SZT2: variants seen among roughly 807,000 people sequenced by gnomAD.
SZT2 encodes the protein SZT2 subunit of KICSTOR complex, also known as KICSTOR complex protein SZT2.
A neutral mutation model predicts 404.2 loss-of-function variants in SZT2; 216 were observed. The ratio of observed to expected loss-of-function variants is 0.53; its 90% CI spans 0.48 to 0.60. The LOEUF (loss-of-function observed/expected upper bound fraction) is 0.60, where lower values mean the gene tolerates loss of function less well. Among genes scored for constraint, SZT2 ranks in the 20% least tolerant of loss-of-function variants. SZT2 has a pLI of 0.00. For synonymous variants in SZT2, 1,693 were observed against 1,749.9 expected, an observed-to-expected ratio of 0.97 and a Z score of 0.81; for missense variants, 3,857 against 4,459.2, an observed-to-expected ratio of 0.86 and a Z score of 3.85.
Position 43,440,582 on chromosome 1 carries a change from T to C in SZT2, c.7340T>C (p.Met2447Thr). 6.3e-7 allele frequency: 1 copy of C among 1,589,770 alleles called. No homozygotes were observed. The highest frequency in any genetic ancestry group is 1.1e-5 in the South Asian group (1 of 87,730). ...GCGGGCCGGCGTAGCTTCTGGGATA[T>C]GCTGGTAATGGAAGAAGTGGTGAAG... ...SKAGRRSFWD[M>T]LSKTECGDLG... The change falls in exon 52 of 72, where the codon ATG becomes ACG. Residue 2447 changes from methionine (M) to threonine (T), a missense_variant. By Grantham distance (81) the Met-to-Thr change is moderately conservative. This residue lies in a region of SZT2 where 573 missense variants were observed against 592.4 expected (regional missense o/e 0.97). Coordinates refer to ENST00000634258, the MANE Select transcript of SZT2 (RefSeq NM_001365999.1).
Position 43,442,767 on chromosome 1 carries a change from A to T in SZT2, c.8152-52A>T. 4 of 1,544,764 alleles carry T rather than the reference A, an allele frequency of 2.6e-6. No homozygotes were observed. The South Asian group carries it at 5.0e-5, about 19-fold the overall frequency. On this transcript the variant is annotated intron_variant, in intron 58 of 71. Coordinates refer to ENST00000634258, the MANE Select transcript of SZT2 (RefSeq NM_001365999.1). This position sits in a 1 kb window ranked among gnomAD's most constrained non-coding sequence, Gnocchi z 4.5. ...GAGAGAGGAAGCCCTGGGATGAGAG[A>T]GAGGGTCCGAGGGCAAAGGCTATGA...
chr1:43,437,947 A>G lies in SZT2; in HGVS notation c.6508+45A>G. 6.3e-7 allele frequency: 1 copy of G among 1,588,402 alleles called. No homozygotes were observed. The highest frequency in any genetic ancestry group is 8.6e-7 in the Non-Finnish European group (1 of 1,157,212). On this transcript the variant is annotated intron_variant, in intron 46 of 71. Coordinates refer to ENST00000634258, the MANE Select transcript of SZT2 (RefSeq NM_001365999.1). The surrounding 1 kb of genome is among the most constrained non-coding windows in gnomAD (Gnocchi z 5.3). ...TAGGGGAGTCGCCACATGAGGTTCC[A>G]GAATCCTCTGGGACTTCTCTTAGAA...
rs371697766 is a variant in SZT2 at position 43,424,606 on chromosome 1, CCT to C, written c.2472-172_2472-171del. On this transcript the variant is annotated intron_variant, in intron 16 of 71. Coordinates refer to ENST00000634258, the MANE Select transcript of SZT2 (RefSeq NM_001365999.1). This position sits in a 1 kb window ranked among gnomAD's most constrained non-coding sequence, Gnocchi z 4.1. ...CCTCCCATCACCCGATTTGTTTTGT[CCT>C]CTCTCATCCTCACTGGATTTGTTAT... 2.1e-3 allele frequency among the ~76,000 whole-genome samples: 314 copies of C among 152,294 alleles called. 1 individual carries two copies. The highest frequency in any genetic ancestry group is 7.0e-3 in the African/African-American group (289 of 41,564).
At position 43,442,054 on chromosome 1, in the gene SZT2, T is replaced by C. The variant is rs1295428744; in HGVS notation, c.7797T>C (p.Ser2599=). 6.2e-7 allele frequency: 1 copy of C among 1,611,630 alleles called. No individual in the cohort carries two copies. The highest frequency in any genetic ancestry group is 2.2e-5 in the East Asian group (1 of 44,648). Residue 2599 remains serine, a synonymous_variant, in exon 56 of 72, where the codon TCT becomes TCC. Coordinates refer to ENST00000634258, the MANE Select transcript of SZT2 (RefSeq NM_001365999.1). The surrounding 1 kb of genome is among the most constrained non-coding windows in gnomAD (Gnocchi z 4.5). ...GPCSPGQLGP[S]PRPAAERHLL... is the part of the protein sequence containing the mutation. ...GTTCCCCTGGGCAACTGGGCCCCTC[T>C]CCCCGCCCTGCAGCTGAGCGGCATC...
chr1:43,430,502 C>G lies in SZT2; in HGVS notation c.4487C>G (p.Thr1496Arg). The G allele has an allele frequency of 1.2e-6, 2 of 1,613,984 alleles. No individual in the cohort carries two copies. Among genetic ancestry groups the G allele is most frequent in the Non-Finnish European group, 8.5e-7 (1 of 1,179,874 alleles). ...ATGTGACATGCACTACTAGGAGACA[C>G]ATCTGCCTGCTGTGTGGTCACTGAG... is the stretch of plus-strand genomic sequence containing the variant. ...EAELMGEEGD[T>R]SACCVVTESD... The change falls in exon 32 of 72, where the codon ACA becomes AGA. Residue 1496 changes from threonine (T) to arginine (R), a missense_variant. Around this residue, in one of 7 missense-constraint regions of SZT2, gnomAD observed 1,725 missense variants for 1,881.0 expected, o/e 0.92. Coordinates refer to ENST00000634258, the MANE Select transcript of SZT2 (RefSeq NM_001365999.1).
At chr1:43,427,841 C>A in intron 26 of SZT2, 107 bp downstream of exon 26, 1 of 1,408,872 alleles carries the variant, frequency 7.1e-7, no homozygotes, top group Non-Finnish European at 9.7e-7. Context: ...CCATATCCTG[C>A]TGGCTCCTTG....
intron 32 of SZT2, 67 bp from the exon 33 acceptor site, chr1:43,430,882 A>C (rs535776759): frequency 3.8e-5 from 60 of 1,585,602 alleles, no homozygotes; most frequent in Non-Finnish European, 4.7e-5. Context: ...GTCTTTTAAC[A>C]CATAGATCTT....
At position 43,439,988 on chromosome 1, in the gene SZT2, G is replaced by A. The variant is rs201622088; in HGVS notation, c.7150G>A (p.Asp2384Asn). ...AGGAGCAGCTCGCCAGGCCCTGGCCGATGCCATCATCGAGCTTCAGCTGCT... is the reference window on the plus strand; with the variant it reads ...AGGAGCAGCTCGCCAGGCCCTGGCCAATGCCATCATCGAGCTTCAGCTGCT... ...LRGAARQALA[D>N]AIIELQLLPA... Residue 2384 changes from aspartate to asparagine, a missense_variant, in exon 51 of 72, where the codon GAT becomes AAT. Coordinates refer to ENST00000634258, the MANE Select transcript of SZT2 (RefSeq NM_001365999.1). This position sits in a 1 kb window ranked among gnomAD's most constrained non-coding sequence, Gnocchi z 4.2. 2.9e-5 allele frequency: 47 copies of A among 1,614,058 alleles called. No individual in the cohort carries two copies. Among genetic ancestry groups the A allele is most frequent in the Admixed American group, 3.3e-5 (2 of 59,994 alleles).
intron 1 of SZT2, among the ~76,000 whole-genome samples, chr1:43,400,397 C>T (rs964715266): frequency 2.0e-5 from 3 of 152,224 alleles, no homozygotes; most frequent in Non-Finnish European, 2.9e-5. Flanking sequence ...CTCTTCTGCT[C>T]ATAAGCCCTC....
chr1:43,441,495 T>C lies in SZT2; in HGVS notation c.7512-9T>C, dbSNP rs1163120470. Reference sequence around the variant, plus strand: ...ATGGACATGAGGCTCTTACTCCCACTGTCTTCAGGCGCCGGACAACACAGC... The same window carrying C: ...ATGGACATGAGGCTCTTACTCCCACCGTCTTCAGGCGCCGGACAACACAGC... On this transcript the variant is annotated splice_polypyrimidine_tract_variant and intron_variant, in intron 53 of 71. Coordinates refer to ENST00000634258, the MANE Select transcript of SZT2 (RefSeq NM_001365999.1). This position sits in a 1 kb window ranked among gnomAD's most constrained non-coding sequence, Gnocchi z 4.8. The C allele has an allele frequency of 1.9e-6, 3 of 1,612,758 alleles. No homozygotes were observed. The highest frequency in any genetic ancestry group is 1.3e-5 in the African/African-American group (1 of 75,030).
chr1:43,453,300 AG>A lies in SZT2; in HGVS notation c.*2821del, dbSNP rs1224225282. On this transcript the variant is annotated 3_prime_UTR_variant, in exon 72 of 72. Coordinates refer to ENST00000634258, the MANE Select transcript of SZT2 (RefSeq NM_001365999.1). ...ATAAACCAGTGGGCTCAGACTTCTG[AG>A]CGTCTCAGATCTGGCGTCCTCGACT... is the stretch of plus-strand genomic sequence containing the variant. 5 of 849,482 alleles carry A rather than the reference AG, an allele frequency of 5.9e-6. No individual in the cohort carries two copies. The African/African-American group carries it at 9.1e-5, about 16-fold the overall frequency. 52.6% of individuals were successfully genotyped at this position (849,482 alleles called of 1,614,324 possible). A position where few individuals can be genotyped will look rare whatever the true frequency, so the allele number is the denominator to read the frequency against.
chr1:43,408,277 T>G (rs1313697754), intron 4 of SZT2, among the ~76,000 whole-genome samples: 1 of 151,996 alleles, frequency 6.6e-6, no homozygotes, highest in African/African-American at 2.4e-5. Context: ...TTTTGTTTTG[T>G]TTAAGAGACA....
chr1:43,441,655 G>C lies in SZT2; in HGVS notation c.7610-31G>C. On this transcript the variant is annotated intron_variant, in intron 54 of 71. Coordinates refer to ENST00000634258, the MANE Select transcript of SZT2 (RefSeq NM_001365999.1). This position sits in a 1 kb window ranked among gnomAD's most constrained non-coding sequence, Gnocchi z 4.8. ...TCAACCCCAGCCTGGTCTCCATCCT[G>C]CAGCTCCACAGTGACTCCTCTGCCT... 6.2e-7 allele frequency: 1 copy of C among 1,614,038 alleles called. No homozygotes were observed. Among genetic ancestry groups the C allele is most frequent in the Non-Finnish European group, 8.5e-7 (1 of 1,179,942 alleles).
intron 32 of SZT2, 66 bp downstream of exon 32, chr1:43,430,855 G>A: frequency 6.3e-7 from 1 of 1,580,872 alleles, no homozygotes; most frequent in Non-Finnish European, 8.6e-7. Flanking sequence ...TGGGAGTGGA[G>A]GGGAGCCTAG....
At position 43,451,977 on chromosome 1, in the gene SZT2, G is replaced by C. The variant is rs372078126; in HGVS notation, c.*1497G>C. The C allele has an allele frequency of 1.2e-6, 2 of 1,611,026 alleles. No individual in the cohort carries two copies. Among genetic ancestry groups the C allele is most frequent in the South Asian group, 1.1e-5 (1 of 90,878 alleles). ...AGGAAGTACTGGGGGTCAGTGATGC[G>C]GGTGTTGATGGGCTCCAGCAGTCCC... On this transcript the variant is annotated 3_prime_UTR_variant, in exon 72 of 72. Coordinates refer to ENST00000634258, the MANE Select transcript of SZT2 (RefSeq NM_001365999.1).
chr1:43,441,073 G>T lies in SZT2; in HGVS notation c.7345-141G>T, dbSNP rs1174029105. 1 of 1,047,918 alleles carries T rather than the reference G, an allele frequency of 9.5e-7. No homozygotes were observed. The highest frequency in any genetic ancestry group is 1.6e-5 in the South Asian group (1 of 63,058). 64.9% of individuals were successfully genotyped at this position (1,047,918 alleles called of 1,614,324 possible). On this transcript the variant is annotated intron_variant, in intron 52 of 71. Transcript: ENST00000634258. The surrounding 1 kb of genome is among the most constrained non-coding windows in gnomAD (Gnocchi z 4.8). ...AGGAAAGTTAGGTAACCTGCCCAAG[G>T]CTCCTTAGCCAGCCCCTGGGGAAGC...
rs138790727 is a variant in SZT2, at chr1:43,422,971, TAGAG to T, written c.2037+89_2037+92del. On this transcript the variant is annotated intron_variant, in intron 14 of 71. Transcript: ENST00000634258. ...CCAAACCCCACAGGGCCAGGTCTAA[TAGAG>T]GGAGGAGCCCCCAGACCAAGGAAGA... 5,141 of 1,490,722 alleles carry T rather than the reference TAGAG, an allele frequency of 3.4e-3. 21 individuals carry two copies. Among genetic ancestry groups the T allele is most frequent in the Non-Finnish European group, 4.1e-3 (4,487 of 1,106,466 alleles). The allele number at this position is 1,490,722 out of a possible 1,614,324, so 92.3% of individuals were successfully genotyped here.
At position 43,430,008 on chromosome 1, in the gene SZT2, C is replaced by T. The variant is rs376401769; in HGVS notation, c.4309-3C>T. ...TCTAACCTCCTTCTAAACCCCACAA[C>T]AGGAGAAGTTCCTAGAGATCAGTCG... On this transcript the variant is annotated splice_polypyrimidine_tract_variant and splice_region_variant and intron_variant, in intron 29 of 71. Transcript: ENST00000634258. 37 of 1,614,068 alleles carry T rather than the reference C, an allele frequency of 2.3e-5. No individual in the cohort carries two copies. Among genetic ancestry groups the T allele is most frequent in the Non-Finnish European group, 3.1e-5 (37 of 1,180,040 alleles).
chr1:43,420,237 A>G lies in SZT2; in HGVS notation c.1175A>G (p.Glu392Gly). The change falls in exon 9 of 72, where the codon GAG becomes GGG. Residue 392 changes from glutamate (E) to glycine (G), a missense_variant. Transcript: ENST00000634258. This position sits in a 1 kb window ranked among gnomAD's most constrained non-coding sequence, Gnocchi z 5.1. ...GCCTTGCGCCGGAAGAAGCACACTGAGAAGGAGGTGCCAGCCGACTTGGTC... is the reference window on the plus strand; with the variant it reads ...GCCTTGCGCCGGAAGAAGCACACTGGGAAGGAGGTGCCAGCCGACTTGGTC... ...ALALRRKKHTEKEVPADLVST... is the reference protein window; with the variant it reads ...ALALRRKKHTGKEVPADLVST... 1 of 1,598,392 alleles carries G rather than the reference A, an allele frequency of 6.3e-7. No individual in the cohort carries two copies. Among genetic ancestry groups the G allele is most frequent in the Non-Finnish European group, 8.5e-7 (1 of 1,179,802 alleles).
Sources: allele counts gnomAD v4.1 joint callset (sites outside exome capture counted in the v4.1 genomes callset), GRCh38; gene constraint gnomAD v4.1.1; regional missense constraint gnomAD v4.1.1; non-coding constraint Gnocchi (gnomAD v3.1); transcripts MANE v1.5; gene names NCBI Gene and HGNC (gene_info 2026-07-23, HGNC 2026-07-21).